The following SFMBT2 variants were observed in gnomAD, a reference collection of about 807,000 sequenced individuals.
SFMBT2 encodes the protein Scm like with four mbt domains 2, also known as scm-like with four MBT domains protein 2.
Under a neutral mutation model 110.1 loss-of-function variants are expected in SFMBT2, and 38 were observed. The observed-to-expected ratio is 0.35, with a 90% CI of 0.27 to 0.45. The LOEUF is 0.45. Ranked by LOEUF, SFMBT2 falls within the 20% of genes least tolerant of loss-of-function variation. The pLI is 1.00. For missense variants in SFMBT2, 1,011 were observed against 1,094.9 expected (o/e 0.92, Z 1.08); for synonymous variants, 425 against 425.4 (o/e 1.00, Z 0.01).
intron 3 of SFMBT2, among the ~76,000 whole-genome samples, chr10:7,368,547 A>G (rs11255092): frequency 0.19 from 29,380 of 152,206 alleles, 3,618 homozygotes; most frequent in South Asian, 0.43. Context: ...TGGCATACGG[A>G]CCTGGGGACT....
intron 4 of SFMBT2, among the ~76,000 whole-genome samples, chr10:7,346,580 C>A (rs966405079): frequency 6.6e-6 from 1 of 152,016 alleles, no homozygotes; most frequent in African/African-American, 2.4e-5. Flanking sequence ...CATTTTGACT[C>A]CCAAATGAAG....
chr10:7,188,197 G>C (rs530740603), intron 16 of SFMBT2, among the ~76,000 whole-genome samples: 1 of 152,128 alleles, frequency 6.6e-6, no homozygotes, highest in Non-Finnish European at 1.5e-5. Flanking sequence ...TTTTATCTTT[G>C]AGAACTGTCA....
intron 7 of SFMBT2, among the ~76,000 whole-genome samples, chr10:7,269,378 G>A (rs1841499347): frequency 6.6e-6 from 1 of 152,114 alleles, no homozygotes; most frequent in South Asian, 2.1e-4. Context: ...CAACCACACA[G>A]ACGTGTGAAC....
At chr10:7,262,196 G>A (rs1322148961) in intron 7 of SFMBT2, among the ~76,000 whole-genome samples, 1 of 152,234 alleles carries the variant, frequency 6.6e-6, no homozygotes, top group East Asian at 1.9e-4. Flanking sequence ...GGGCTTAAAC[G>A]GGTGGCCTAA....
At chr10:7,374,161 C>T (rs1241724273) in intron 2 of SFMBT2, among the ~76,000 whole-genome samples, 1 of 152,118 alleles carries the variant, frequency 6.6e-6, no homozygotes, top group African/African-American at 2.4e-5. Flanking sequence ...ACTCAGGAGG[C>T]TGGGGCAGGA....
chr10:7,197,755 C>G, intron 14 of SFMBT2, 68 bp from the exon 15 acceptor site: 2 of 1,547,030 alleles, frequency 1.3e-6, no homozygotes, highest in Non-Finnish European at 1.7e-6. Context: ...CCCCTAGACC[C>G]TTGCTTCATC....
intron 1 of SFMBT2, among the ~76,000 whole-genome samples, chr10:7,409,679 T>C (rs1846319207): frequency 6.6e-6 from 1 of 151,982 alleles, no homozygotes; most frequent in Admixed American, 6.6e-5. Context: ...CTTCTTTTTT[T>C]CCCCACTTAA....
intron 4 of SFMBT2, among the ~76,000 whole-genome samples, chr10:7,317,395 C>G (rs1463364172): frequency 1.3e-5 from 2 of 152,168 alleles, no homozygotes; most frequent in Non-Finnish European, 2.9e-5. Context: ...GTAATCGCAG[C>G]ACTTTGGGAG....
At chr10:7,177,159 C>T (rs564353110) in intron 16 of SFMBT2, among the ~76,000 whole-genome samples, 20 of 152,250 alleles carry the variant, frequency 1.3e-4, no homozygotes, top group East Asian at 3.9e-4. Context: ...ACACCTTCAC[C>T]GCAATTCCCC....
chr10:7,315,052 GAA>G (rs1339649992), intron 4 of SFMBT2, among the ~76,000 whole-genome samples: 2 of 124,798 alleles, frequency 1.6e-5, no homozygotes, highest in African/African-American at 5.8e-5. Flanking sequence ...AAGAAAGAAA[GAA>G]AGAAAGAAAG....
At chr10:7,221,286 G>T (rs1485764582) in intron 10 of SFMBT2, among the ~76,000 whole-genome samples, 2 of 152,032 alleles carry the variant, frequency 1.3e-5, no homozygotes, top group Non-Finnish European at 1.5e-5. Flanking sequence ...GTAGTAAAAG[G>T]TCGGGTGTGG....
intron 6 of SFMBT2, among the ~76,000 whole-genome samples, chr10:7,278,816 G>A (rs1455442234): frequency 6.6e-6 from 1 of 151,938 alleles, no homozygotes; most frequent in Non-Finnish European, 1.5e-5. Context: ...GTATAAGAAT[G>A]GTCAAAAAAC....
intron 4 of SFMBT2, among the ~76,000 whole-genome samples, chr10:7,330,142 G>C (rs914454515): frequency 6.6e-6 from 1 of 152,028 alleles, no homozygotes; most frequent in South Asian, 2.1e-4. Flanking sequence ...TTAGAGAAGG[G>C]GGATCTCTTT....
intron 4 of SFMBT2, among the ~76,000 whole-genome samples, chr10:7,322,011 C>T (rs562253206): frequency 1.3e-5 from 2 of 152,326 alleles, no homozygotes; most frequent in Non-Finnish European, 2.9e-5. Context: ...ATAGGACCAG[C>T]ACTTCCCAAA....
chr10:7,302,957 A>G (rs1279747119), intron 4 of SFMBT2, among the ~76,000 whole-genome samples: 8 of 152,192 alleles, frequency 5.3e-5, no homozygotes, highest in Non-Finnish European at 7.3e-5. Flanking sequence ...GACAAATCAA[A>G]AACACTATAT....
intron 2 of SFMBT2, among the ~76,000 whole-genome samples, chr10:7,375,891 C>T (rs1046498905): frequency 4.0e-5 from 6 of 151,898 alleles, no homozygotes; most frequent in Admixed American, 6.6e-5. Flanking sequence ...CAGTTCCCAG[C>T]GTGAAGAGTG....
chr10:7,177,731 G>A (rs780072045), intron 16 of SFMBT2, among the ~76,000 whole-genome samples: 13 of 152,018 alleles, frequency 8.6e-5, no homozygotes, highest in Non-Finnish European at 1.9e-4. Context: ...GGGCACGGTG[G>A]GGCACTACTG....
intron 6 of SFMBT2, 45 bp downstream of exon 6, chr10:7,283,859 T>A: frequency 7.6e-7 from 1 of 1,310,226 alleles, no homozygotes; most frequent in South Asian, 1.2e-5. Context: ...AAATATCACA[T>A]CTTTTTCTAA....
chr10:7,210,703 T>C (rs1347960974), intron 11 of SFMBT2, among the ~76,000 whole-genome samples: 1 of 152,246 alleles, frequency 6.6e-6, no homozygotes, highest in African/African-American at 2.4e-5. Context: ...ACCTGGACGC[T>C]GGAAGCCCCA....
Sources: allele counts gnomAD v4.1 joint callset (sites outside exome capture counted in the v4.1 genomes callset), GRCh38; gene constraint gnomAD v4.1.1; transcripts MANE v1.5; gene names NCBI Gene and HGNC (gene_info 2026-07-23, HGNC 2026-07-21).